TMEM143: variants seen among roughly 807,000 people sequenced by gnomAD.
TMEM143 encodes transmembrane protein 143.
A neutral mutation model predicts 40.3 loss-of-function variants in TMEM143; 45 were observed. That is an observed-to-expected ratio of 1.12 (90% CI 0.88 to 1.43). TMEM143 has a LOEUF of 1.43. Ranked by LOEUF, TMEM143 falls within the 40% of genes most tolerant of loss-of-function variation. The probability of loss-of-function intolerance (pLI) is 0.00; values close to 1 mark genes in which losing one functional copy is unlikely to be tolerated. For missense variants in TMEM143, 620 were observed against 613.4 expected, an observed-to-expected ratio of 1.01 and a Z score of -0.11; for synonymous variants, 299 against 282.7, an observed-to-expected ratio of 1.06 and a Z score of -0.58.
Position 48,332,884 on chromosome 19 carries a change from A to G in TMEM143, c.*335T>C, listed in dbSNP as rs554009921. 836 of 200,302 alleles carry G rather than the reference A, an allele frequency of 4.2e-3. 5 individuals carry two copies. The highest frequency in any genetic ancestry group is 0.014 in the South Asian group (82 of 5,760). The allele number at this position is 200,302 out of a possible 1,614,324, so 12.4% of individuals were successfully genotyped here. On this transcript the variant is annotated 3_prime_UTR_variant, in exon 8 of 8. Coordinates refer to ENST00000293261, the MANE Select transcript of TMEM143 (RefSeq NM_018273.4). Reference sequence around the variant, plus strand: ...TTAACTCTTCTACCTGGCGGTTTACAGAAGCCAGAGCTGAGCAGCTGTGAT... The same window carrying G: ...TTAACTCTTCTACCTGGCGGTTTACGGAAGCCAGAGCTGAGCAGCTGTGAT...
intron 2 of TMEM143, among the ~76,000 whole-genome samples, chr19:48,362,465 A>G (rs1182946446): frequency 1.3e-5 from 2 of 152,312 alleles, no homozygotes; most frequent in African/African-American, 4.8e-5. Flanking sequence ...CAGAGGTTGC[A>G]GTGAGCTGAG....
chr19:48,360,343 C>A (rs1421937909), intron 2 of TMEM143, 167 bp from the exon 3 acceptor site: 1 of 621,100 alleles, frequency 1.6e-6, no homozygotes, highest in African/African-American at 1.9e-5. Flanking sequence ...CTTTGGGAGG[C>A]CGAGGCAGTG....
Position 48,334,190 on chromosome 19 carries a change from C to A in TMEM143, c.983G>T (p.Gly328Val). The change falls in exon 7 of 8, where the codon GGG becomes GTG. Residue 328 changes from glycine to valine, a missense_variant. Gly to Val is a moderately radical substitution (Grantham distance 109). Transcript: ENST00000293261. ...CAACGCCTGCGCGCTGCGCCGCTGC[C>A]CGAACATCTGCAGGCGGGACAGCGC... is the stretch of plus-strand genomic sequence containing the variant. The part of the protein sequence containing the change: ...FMGLRASKMF[G>V]QRRSAQALEL... 1 of 1,601,526 alleles carries A rather than the reference C, an allele frequency of 6.2e-7. No individual in the cohort carries two copies. Among genetic ancestry groups the A allele is most frequent in the Non-Finnish European group, 8.5e-7 (1 of 1,174,910 alleles).
intron 3 of TMEM143, among the ~76,000 whole-genome samples, chr19:48,352,779 A>G (rs933096801): frequency 1.3e-5 from 2 of 151,916 alleles, no homozygotes; most frequent in Admixed American, 6.6e-5. Context: ...TGTCTCAGAA[A>G]AAAATATATA....
At chr19:48,356,319 G>A (rs889101312) in intron 3 of TMEM143, among the ~76,000 whole-genome samples, 1 of 151,480 alleles carries the variant, frequency 6.6e-6, no homozygotes, top group African/African-American at 2.4e-5. Flanking sequence ...GTAGAGACAG[G>A]GTTTCACCAT....
intron 2 of TMEM143, 44 bp downstream of exon 2, chr19:48,363,247 G>C (rs757537831): frequency 5.7e-6 from 9 of 1,568,348 alleles, no homozygotes; most frequent in Non-Finnish European, 7.8e-6. Flanking sequence ...GAAGCCTGCT[G>C]GGAGCCGTAG....
At chr19:48,350,695 G>C (rs999090709) in intron 3 of TMEM143, among the ~76,000 whole-genome samples, 2 of 152,004 alleles carry the variant, frequency 1.3e-5, no homozygotes, top group Non-Finnish European at 2.9e-5. Flanking sequence ...GCTGAGGCAG[G>C]CGGATCATTT....
At chr19:48,350,192 T>C (rs1276773367) in intron 3 of TMEM143, among the ~76,000 whole-genome samples, 1 of 151,448 alleles carries the variant, frequency 6.6e-6, no homozygotes, top group Admixed American at 6.6e-5. Flanking sequence ...TACTTTTTTT[T>C]AGTAGAGACG....
chr19:48,351,920 C>T (rs931362353), intron 3 of TMEM143, among the ~76,000 whole-genome samples: 5 of 151,964 alleles, frequency 3.3e-5, no homozygotes, highest in Admixed American at 6.6e-5. Context: ...CATGGATACC[C>T]AAACCTACAG....
intron 6 of TMEM143, among the ~76,000 whole-genome samples, chr19:48,338,273 C>T (rs1265028698): frequency 1.3e-5 from 2 of 152,168 alleles, no homozygotes; most frequent in Non-Finnish European, 2.9e-5. Flanking sequence ...TGCATCACTC[C>T]AGCCTCCTCC....
intron 3 of TMEM143, among the ~76,000 whole-genome samples, chr19:48,354,171 T>A (rs757421030): frequency 4.5e-4 from 67 of 148,544 alleles, no homozygotes; most frequent in Non-Finnish European, 8.8e-4. Flanking sequence ...GTTGGCCAGA[T>A]TGGTCTCGAA....
At chr19:48,335,381 A>C (rs1969345027) in intron 6 of TMEM143, among the ~76,000 whole-genome samples, 1 of 152,222 alleles carries the variant, frequency 6.6e-6, no homozygotes, top group Non-Finnish European at 1.5e-5. Context: ...GTTCAAGACC[A>C]GCTTGGGCAA....
intron 3 of TMEM143, among the ~76,000 whole-genome samples, chr19:48,354,985 T>C (rs1021091901): frequency 2.0e-5 from 3 of 152,194 alleles, no homozygotes; most frequent in Admixed American, 2.0e-4. Flanking sequence ...TCTACATTTC[T>C]ATATATTTAT....
intron 6 of TMEM143, among the ~76,000 whole-genome samples, chr19:48,335,645 C>A (rs1969351820): frequency 6.6e-6 from 1 of 152,130 alleles, no homozygotes; most frequent in African/African-American, 2.4e-5. Context: ...ATCGCTTGAA[C>A]CTGGGAAGCA....
At chr19:48,335,146 A>G (rs1346779276) in intron 6 of TMEM143, among the ~76,000 whole-genome samples, 1 of 152,236 alleles carries the variant, frequency 6.6e-6, no homozygotes, top group Non-Finnish European at 1.5e-5. Context: ...CAATAGTAGG[A>G]CAGTGGAGGT....
chr19:48,360,211 C>T (rs772452470), intron 2 of TMEM143, 35 bp from the exon 3 acceptor site: 19 of 1,592,548 alleles, frequency 1.2e-5, no homozygotes, highest in Non-Finnish European at 1.5e-5. Context: ...CTCTGTAGGC[C>T]TTTTCCCCTT....
At chr19:48,342,107 A>C (rs1051035827) in intron 6 of TMEM143, among the ~76,000 whole-genome samples, 1 of 97,568 alleles carries the variant, frequency 1.0e-5, no homozygotes, top group African/African-American at 4.0e-5. Flanking sequence ...GGGAGGAAGG[A>C]GGTGGGGAGA....
intron 6 of TMEM143, 48 bp from the exon 7 acceptor site, chr19:48,334,245 A>G (rs1035584641): frequency 1.3e-6 from 2 of 1,526,406 alleles, no homozygotes; most frequent in Non-Finnish European, 1.8e-6. Flanking sequence ...GTGCGCCCCC[A>G]CCCATACACA....
chr19:48,360,063 C>G lies in TMEM143; in HGVS notation c.369+9G>C. On this transcript the variant is annotated intron_variant, in intron 3 of 7. Coordinates refer to ENST00000293261, the MANE Select transcript of TMEM143 (RefSeq NM_018273.4). Reference sequence around the variant, plus strand: ...AAGCACCACAGGGCTGGAAGGGCCCCGTCCTCACCTGCAGCCGGGCCAGGA... The same window carrying G: ...AAGCACCACAGGGCTGGAAGGGCCCGGTCCTCACCTGCAGCCGGGCCAGGA... 6.2e-7 allele frequency: 1 copy of G among 1,613,376 alleles called. No homozygotes were observed. Among genetic ancestry groups the G allele is most frequent in the Middle Eastern group, 1.7e-4 (1 of 5,890 alleles).
Sources: allele counts gnomAD v4.1 joint callset (sites outside exome capture counted in the v4.1 genomes callset), GRCh38; gene constraint gnomAD v4.1.1; transcripts MANE v1.5; gene names NCBI Gene and HGNC (gene_info 2026-07-23, HGNC 2026-07-21).